The following NPVF variants were observed in gnomAD, a reference collection of about 807,000 sequenced individuals.
The protein encoded by NPVF is pro-FMRFamide-related neuropeptide VF.
A neutral mutation model predicts 15.7 loss-of-function variants in NPVF; 17 were observed. That is an observed-to-expected ratio of 1.08 (90% CI 0.74 to 1.62). NPVF has a LOEUF of 1.62. NPVF is among the 40% of genes most tolerant of loss of function. The pLI is 0.00. For missense variants in NPVF, 270 were observed against 225.2 expected (o/e 1.20, Z -1.27); for synonymous variants, 70 against 80.1 (o/e 0.87, Z 0.67).
At chr7:25,227,890 G>T (rs943792075) in intron 1 of NPVF, among the ~76,000 whole-genome samples, 5 of 152,132 alleles carry the variant, frequency 3.3e-5, no homozygotes, top group Non-Finnish European at 7.4e-5. Context: ...CTAAGATATA[G>T]ATTTAGTACA....
intron 1 of NPVF, 59 bp downstream of exon 1, chr7:25,228,243 C>T (rs968192467): frequency 1.7e-6 from 2 of 1,153,780 alleles, no homozygotes; most frequent in African/African-American, 3.1e-5. Flanking sequence ...AATCATTAGA[C>T]TTAGGATTAA....
In NPVF at chr7:25,225,105, G is replaced by A. The variant is rs1262775242; in HGVS notation, c.*17C>T. 4.3e-6 allele frequency: 7 copies of A among 1,611,034 alleles called. No individual in the cohort carries two copies. The highest frequency in any genetic ancestry group is 5.9e-6 in the Non-Finnish European group (7 of 1,178,052). ...GTAGATTACAGGCCACAGCTTTAGG[G>A]ACAGGCTCCAGGTTTCTTATTTTTC... On this transcript the variant is annotated 3_prime_UTR_variant, in exon 3 of 3. Coordinates refer to ENST00000222674, the MANE Select transcript of NPVF (RefSeq NM_022150.3).
chr7:25,228,187 C>T (rs1783154743), intron 1 of NPVF, 115 bp downstream of exon 1: 1 of 750,248 alleles, frequency 1.3e-6, no homozygotes, highest in African/African-American at 1.8e-5. Flanking sequence ...GCTGAAATTT[C>T]ACAAAAAAAC....
At chr7:25,226,578 A>G in intron 2 of NPVF, 48 bp downstream of exon 2, 1 of 1,564,820 alleles carries the variant, frequency 6.4e-7, no homozygotes, top group Non-Finnish European at 8.7e-7. Context: ...TTTCTAGACC[A>G]CCTCTATATA....
In NPVF at chr7:25,224,921, A is replaced by T. The variant is rs1783106242; in HGVS notation, c.*201T>A. 9.7e-6 allele frequency: 5 copies of T among 515,600 alleles called. No homozygotes were observed. The highest frequency in any genetic ancestry group is 1.4e-5 in the Non-Finnish European group (4 of 294,344). The allele number at this position is 515,600 out of a possible 1,614,324, so 31.9% of individuals were successfully genotyped here. ...AATGCTTTTTTTTTATTCAGACAAA[A>T]ATCATTTTAACTTTACGTAACAAAT... is the stretch of plus-strand genomic sequence containing the variant. On this transcript the variant is annotated 3_prime_UTR_variant, in exon 3 of 3. Transcript: ENST00000222674.
Position 25,225,012 on chromosome 7 carries a change from T to C in NPVF, c.*110A>G. The C allele has an allele frequency of 2.4e-6, 2 of 846,522 alleles. No homozygotes were observed. Among genetic ancestry groups the C allele is most frequent in the Non-Finnish European group, 3.8e-6 (2 of 528,184 alleles). The allele number at this position is 846,522 out of a possible 1,614,324, so 52.4% of individuals were successfully genotyped here. On this transcript the variant is annotated 3_prime_UTR_variant, in exon 3 of 3. Coordinates refer to ENST00000222674, the MANE Select transcript of NPVF (RefSeq NM_022150.3). ...CTGTACTGACAAGGAAAAATTGCCGTTGATGATCCATAGCTGATGAAGTGT... is the reference window on the plus strand; with the variant it reads ...CTGTACTGACAAGGAAAAATTGCCGCTGATGATCCATAGCTGATGAAGTGT...
At chr7:25,225,286 G>A (rs1583440444) in intron 2 of NPVF, 113 bp from the exon 3 acceptor site, 2 of 814,604 alleles carry the variant, frequency 2.5e-6, no homozygotes, top group East Asian at 5.0e-5. Flanking sequence ...GTTGAATTGT[G>A]TTGCACTTGA....
At chr7:25,226,520 C>T (rs993988537) in intron 2 of NPVF, 106 bp downstream of exon 2, 2 of 1,341,060 alleles carry the variant, frequency 1.5e-6, no homozygotes. Flanking sequence ...TGCTAGGAAA[C>T]TTACTGTCTT....
Position 25,224,708 on chromosome 7 carries a change from T to A in NPVF, c.*414A>T, listed in dbSNP as rs1783102281. 6.2e-6 allele frequency: 1 copy of A among 161,864 alleles called. No homozygotes were observed. Among genetic ancestry groups the A allele is most frequent in the Non-Finnish European group, 1.3e-5 (1 of 75,002 alleles). The allele number at this position is 161,864 out of a possible 1,614,324, so 10.0% of individuals were successfully genotyped here. On this transcript the variant is annotated 3_prime_UTR_variant, in exon 3 of 3. Coordinates refer to ENST00000222674, the MANE Select transcript of NPVF (RefSeq NM_022150.3). ...AAACACGTTTGTAAGTGATTTTTAA[T>A]CCTTGTTCACTTATTTGTCAACCAT...
chr7:25,226,216 G>T (rs113603649), intron 2 of NPVF, among the ~76,000 whole-genome samples: 2,337 of 152,284 alleles, frequency 0.015, 53 homozygotes, highest in African/African-American at 0.054. Context: ...TTGATTAAAA[G>T]TTAGGAAAGA....
At chr7:25,228,095 C>T (rs531213041) in intron 1 of NPVF, among the ~76,000 whole-genome samples, 4 of 152,254 alleles carry the variant, frequency 2.6e-5, no homozygotes, top group African/African-American at 9.6e-5. Context: ...CCATACTCAC[C>T]AGTACAATTG....
At chr7:25,226,526 G>T in intron 2 of NPVF, 100 bp downstream of exon 2, 1 of 1,384,600 alleles carries the variant, frequency 7.2e-7, no homozygotes, top group Non-Finnish European at 9.9e-7. Flanking sequence ...GAAACTTACT[G>T]TCTTAGAAAC....
In NPVF at chr7:25,225,144, GCAT is replaced by G; in HGVS notation, c.566_568del (p.Asp189del). ...TTCTTATTTTTCTTGTTTCAATTCT[GCAT>G]CATCTATTTTCTTGAATAGCAGTCT... On this transcript the variant is annotated inframe_deletion, in exon 3 of 3. Transcript: ENST00000222674. 1 of 1,613,618 alleles carries G rather than the reference GCAT, an allele frequency of 6.2e-7. No individual in the cohort carries two copies. The highest frequency in any genetic ancestry group is 1.7e-5 in the Admixed American group (1 of 59,946).
At chr7:25,227,743 T>G (rs1387083491) in intron 1 of NPVF, among the ~76,000 whole-genome samples, 1 of 152,250 alleles carries the variant, frequency 6.6e-6, no homozygotes, top group African/African-American at 2.4e-5. Flanking sequence ...CTTGTCCATA[T>G]GGAAATTTTT....
At position 25,226,641 on chromosome 7, in the gene NPVF, T is replaced by C. The variant is rs775115094; in HGVS notation, c.524A>G (p.Asp175Gly). ...TCQHQEIQNPDQKQSRRLLFK... is the reference protein window; with the variant it reads ...TCQHQEIQNPGQKQSRRLLFK... ...AGGTATTTACCTTGACTGTTTTTGA[T>C]CGGGATTCTGGATTTCTTGGTGCTG... is the stretch of plus-strand genomic sequence containing the variant. The change falls in exon 2 of 3, where the codon GAT (aspartate) becomes GGT (glycine). Residue 175 changes from aspartate (D) to glycine (G), a missense_variant. Physicochemically the swap from Asp to Gly is moderately conservative, Grantham distance 94 (BLOSUM62 -1). Coordinates refer to ENST00000222674, the MANE Select transcript of NPVF (RefSeq NM_022150.3). 45 of 1,613,490 alleles carry C rather than the reference T, an allele frequency of 2.8e-5. No individual in the cohort carries two copies. In the South Asian group the frequency reaches 4.9e-4, roughly 18 times the overall value.
intron 2 of NPVF, 122 bp from the exon 3 acceptor site, chr7:25,225,295 G>T: frequency 2.7e-6 from 2 of 740,910 alleles, no homozygotes. Context: ...TGTTGCACTT[G>T]AAATGAGTGA....
chr7:25,226,247 C>T (rs1038873880), intron 2 of NPVF, among the ~76,000 whole-genome samples: 4 of 152,020 alleles, frequency 2.6e-5, no homozygotes, highest in Non-Finnish European at 5.9e-5. Context: ...CATTTGAGAC[C>T]TAGATTATTG....
chr7:25,228,137 G>A (rs1481601906), intron 1 of NPVF, among the ~76,000 whole-genome samples, 165 bp downstream of exon 1: 1 of 152,108 alleles, frequency 6.6e-6, no homozygotes, highest in African/African-American at 2.4e-5. Flanking sequence ...TTGCTGTCGT[G>A]CTAAATAAAC....
At position 25,226,886 on chromosome 7, in the gene NPVF, C is replaced by T; in HGVS notation, c.279G>A (p.Gly93=). The change falls in exon 2 of 3, where the codon GGG becomes GGA. Residue 93 remains glycine (G), a synonymous_variant. Coordinates refer to ENST00000222674, the MANE Select transcript of NPVF (RefSeq NM_022150.3). ...HSFANLPLRF[G]RNVQEERSAG... is the part of the protein sequence containing the mutation. Reference sequence around the variant, plus strand: ...CACTTCTTTCTTCTTGAACGTTCCTCCCAAATCTCAATGGCAAGTTGGCGA... The same window carrying T: ...CACTTCTTTCTTCTTGAACGTTCCTTCCAAATCTCAATGGCAAGTTGGCGA... 5.0e-6 allele frequency: 8 copies of T among 1,614,194 alleles called. No homozygotes were observed. Among genetic ancestry groups the T allele is most frequent in the Non-Finnish European group, 5.9e-6 (7 of 1,180,034 alleles).
Sources: gnomAD v4.1 joint callset for allele counts (sites outside exome capture counted in the v4.1 genomes callset) on GRCh38, gnomAD v4.1.1 for gene constraint, MANE v1.5 for transcripts, NCBI Gene and HGNC (gene_info 2026-07-23, HGNC 2026-07-21) for gene names.